DMD: variants seen among roughly 807,000 people sequenced by gnomAD.
The protein encoded by DMD is mutant dystrophin.
Under a neutral mutation model 330.1 loss-of-function variants are expected in DMD, and 63 were observed. The ratio of observed to expected loss-of-function variants is 0.19; its 90% CI spans 0.16 to 0.24. The LOEUF (loss-of-function observed/expected upper bound fraction) is 0.24, where lower values mean the gene tolerates loss of function less well. Ranked by LOEUF, DMD falls within the 10% of genes least tolerant of loss-of-function variation. The pLI, the probability that DMD is intolerant of heterozygous loss-of-function variation, is 1.00. For missense variants in DMD, 3,344 were observed against 2,684.1 expected (o/e 1.25, Z -5.43); for synonymous variants, 1,223 against 959.8 (o/e 1.27, Z -5.07).
chrX:32,288,656 C>G (rs2097453476), intron 42 of DMD, among the ~76,000 whole-genome samples: 1 of 111,964 alleles, frequency 8.9e-6, no homozygotes, highest in African/African-American at 3.2e-5. Flanking sequence ...AGAGTTCAAT[C>G]ACAGCCAATT....
intron 29 of DMD, among the ~76,000 whole-genome samples, chrX:32,423,233 T>A (rs1569562071): frequency 2.8e-5 from 3 of 108,205 alleles, no homozygotes; most frequent in Non-Finnish European, 5.8e-5. Flanking sequence ...TATTCTTTTT[T>A]TTTTTTTTTG....
intron 4 of DMD, among the ~76,000 whole-genome samples, chrX:32,834,213 T>A (rs968433198): frequency 9.0e-6 from 1 of 111,490 alleles, no homozygotes; most frequent in Non-Finnish European, 1.9e-5. Context: ...AATTAATACA[T>A]ATAAAGTGCA....
intron 41 of DMD, among the ~76,000 whole-genome samples, chrX:32,323,053 G>T (rs772466941): frequency 8.9e-6 from 1 of 111,807 alleles, no homozygotes; most frequent in African/African-American, 3.3e-5. Flanking sequence ...GTCATCGATC[G>T]AACACATTTG....
chrX:31,806,877 A>G (rs1347925952), intron 50 of DMD, among the ~76,000 whole-genome samples: 1 of 112,502 alleles, frequency 8.9e-6, no homozygotes, highest in African/African-American at 3.2e-5. Context: ...ATTTTACAGA[A>G]ATTTTATTAT....
intron 53 of DMD, among the ~76,000 whole-genome samples, chrX:31,664,255 C>A (rs1340648404): frequency 9.0e-6 from 1 of 111,173 alleles, no homozygotes; most frequent in African/African-American, 3.3e-5. Flanking sequence ...TGGAGCAGAG[C>A]GACCCCAATC....
chrX:32,039,432 C>T (rs1305205594), intron 44 of DMD, among the ~76,000 whole-genome samples: 1 of 111,502 alleles, frequency 9.0e-6, no homozygotes, highest in East Asian at 2.8e-4. Flanking sequence ...CTAAAATGCA[C>T]ACTGTCCGTG....
chrX:32,275,303 A>C lies in DMD; in HGVS notation c.6290+12226T>G, dbSNP rs146877370. Reference sequence around the variant, plus strand: ...AGATTAATGAGACTTGTTTTTCTCGAAGTTTATGATGGTTTATTTCTGGCA... The same window carrying C: ...AGATTAATGAGACTTGTTTTTCTCGCAGTTTATGATGGTTTATTTCTGGCA... On this transcript the variant is annotated intron_variant, in intron 43 of 78. Coordinates refer to ENST00000357033, the MANE Select transcript of DMD (RefSeq NM_004006.3). Among the ~76,000 whole-genome samples the C allele has an allele frequency of 4.0e-3, 452 of 112,047 alleles. 1 individual carries two copies. The highest frequency in any genetic ancestry group is 0.014 in the African/African-American group (432 of 30,855).
chrX:33,252,119 C>A (rs1051160002), intron 1 of DMD, among the ~76,000 whole-genome samples: 1 of 111,769 alleles, frequency 8.9e-6, no homozygotes, highest in African/African-American at 3.3e-5. Context: ...GAAGATGAAG[C>A]TAGAAACAGC....
intron 12 of DMD, among the ~76,000 whole-genome samples, chrX:32,597,147 A>G (rs755935101): frequency 1.8e-5 from 2 of 111,634 alleles, no homozygotes; most frequent in East Asian, 5.7e-4. Context: ...TTTCTTTATC[A>G]TTCAGGACTC....
At chrX:32,569,787 T>C (rs2052187438) in intron 15 of DMD, among the ~76,000 whole-genome samples, 1 of 110,818 alleles carries the variant, frequency 9.0e-6, no homozygotes, top group South Asian at 3.9e-4. Context: ...CCATAATCTC[T>C]TGGATCACCC....
At chrX:31,602,907 T>C (rs1266156111) in intron 55 of DMD, among the ~76,000 whole-genome samples, 1 of 112,147 alleles carries the variant, frequency 8.9e-6, no homozygotes, top group Non-Finnish European at 1.9e-5. Context: ...TTCACATCCC[T>C]AGTAGTATCA....
At chrX:32,935,733 G>GA (rs920269989) in intron 2 of DMD, among the ~76,000 whole-genome samples, 8 of 106,309 alleles carry the variant, frequency 7.5e-5, no homozygotes, top group African/African-American at 1.4e-4. Context: ...AAAATGCAAG[G>GA]AAAAAAAAAC....
chrX:33,032,443 T>C (rs749232154), intron 1 of DMD, among the ~76,000 whole-genome samples: 1 of 112,046 alleles, frequency 8.9e-6, no homozygotes, highest in South Asian at 3.7e-4. Flanking sequence ...AAATAGTAAA[T>C]GTGGCCCATA....
chrX:32,658,350 C>T (rs1487356159), intron 9 of DMD, among the ~76,000 whole-genome samples: 1 of 111,022 alleles, frequency 9.0e-6, no homozygotes, highest in Non-Finnish European at 1.9e-5. Context: ...TAACCTTAAG[C>T]TTTTTTCTGT....
intron 60 of DMD, among the ~76,000 whole-genome samples, chrX:31,372,102 C>T (rs1187891905): frequency 1.8e-5 from 2 of 111,460 alleles, no homozygotes; most frequent in Non-Finnish European, 1.9e-5. Context: ...GTGATAATGA[C>T]GTTGTCTCTC....
chrX:33,061,491 G>A (rs2094580848), intron 1 of DMD, among the ~76,000 whole-genome samples: 1 of 111,462 alleles, frequency 9.0e-6, no homozygotes, highest in African/African-American at 3.3e-5. Context: ...AGGCATATTC[G>A]ATGGATCAAT....
At chrX:32,589,381 C>T (rs1319792584) in intron 13 of DMD, among the ~76,000 whole-genome samples, 1 of 110,452 alleles carries the variant, frequency 9.1e-6, no homozygotes, top group African/African-American at 3.3e-5. Flanking sequence ...TAATATCAAG[C>T]TTGTTTCAAA....
chrX:32,807,477 A>G (rs1327885249), intron 7 of DMD, among the ~76,000 whole-genome samples: 1 of 111,546 alleles, frequency 9.0e-6, no homozygotes, highest in Non-Finnish European at 1.9e-5. Flanking sequence ...CCTGTATTTC[A>G]TATTACATTT....
At chrX:33,097,805 G>A (rs1391299034) in intron 1 of DMD, among the ~76,000 whole-genome samples, 3 of 108,225 alleles carry the variant, frequency 2.8e-5, no homozygotes, top group African/African-American at 6.7e-5. Flanking sequence ...TAGTAGAGAC[G>A]GGGTTTCATC....
Sources: allele counts gnomAD v4.1 joint callset (sites outside exome capture counted in the v4.1 genomes callset), GRCh38; gene constraint gnomAD v4.1.1; transcripts MANE v1.5; gene names NCBI Gene and HGNC (gene_info 2026-07-23, HGNC 2026-07-21).